IL1RAPL1: variants seen among roughly 807,000 people sequenced by gnomAD.
IL1RAPL1 encodes interleukin 1 receptor accessory protein like 1.
Under a neutral mutation model 48.4 loss-of-function variants are expected in IL1RAPL1, and 3 were observed. The observed-to-expected ratio is 0.06, with a 90% CI of 0.03 to 0.16. The LOEUF (loss-of-function observed/expected upper bound fraction) is 0.16, where lower values mean the gene tolerates loss of function less well. IL1RAPL1 is among the 10% of genes least tolerant of loss of function. The pLI, the probability that IL1RAPL1 is intolerant of heterozygous loss-of-function variation, is 1.00. For missense variants in IL1RAPL1, 349 were observed against 530.6 expected (o/e 0.66, Z 3.36); for synonymous variants, 185 against 187.7 (o/e 0.99, Z 0.12).
chrX:29,187,777 C>T (rs758319038), intron 2 of IL1RAPL1, among the ~76,000 whole-genome samples: 1 of 111,569 alleles, frequency 9.0e-6, no homozygotes, highest in South Asian at 3.7e-4. Context: ...CCCCTTACTC[C>T]CCTATCCTCA....
intron 2 of IL1RAPL1, among the ~76,000 whole-genome samples, chrX:29,279,267 C>G (rs758131609): frequency 1.8e-5 from 2 of 110,589 alleles, no homozygotes; most frequent in Non-Finnish European, 3.8e-5. Context: ...GAAACCACGT[C>G]TCTACTAAAA....
At chrX:28,861,257 A>C (rs1439810699) in intron 2 of IL1RAPL1, among the ~76,000 whole-genome samples, 1 of 111,912 alleles carries the variant, frequency 8.9e-6, no homozygotes, top group Non-Finnish European at 1.9e-5. Context: ...TCTGACTTTC[A>C]CAAGAGGCTC....
intron 1 of IL1RAPL1, among the ~76,000 whole-genome samples, chrX:28,737,205 CTCTTTCTTTCTT>C (rs762616408): frequency 0.061 from 3,057 of 50,236 alleles, 102 homozygotes; most frequent in Admixed American, 0.12. Flanking sequence ...TTCTTTCTTT[CTCTTTCTTTCTT>C]TCTTTCTTTC....
At chrX:29,342,990 G>A (rs908702550) in intron 3 of IL1RAPL1, among the ~76,000 whole-genome samples, 10 of 111,914 alleles carry the variant, frequency 8.9e-5, no homozygotes, top group Admixed American at 2.8e-4. Context: ...CTGAAAAGTC[G>A]TTCTTGGACA....
intron 2 of IL1RAPL1, among the ~76,000 whole-genome samples, chrX:28,948,287 C>T (rs1217683853): frequency 9.0e-6 from 1 of 111,474 alleles, no homozygotes; most frequent in Middle Eastern, 4.2e-3. Context: ...AAAGTGCCTA[C>T]TTCTGGATAC....
chrX:29,174,719 C>T (rs1164235516), intron 2 of IL1RAPL1, among the ~76,000 whole-genome samples: 4 of 111,247 alleles, frequency 3.6e-5, no homozygotes, highest in Admixed American at 2.9e-4. Flanking sequence ...ATTTAAATTG[C>T]GGTGGGTTTG....
At chrX:29,725,548 T>C (rs1428367230) in intron 6 of IL1RAPL1, among the ~76,000 whole-genome samples, 2 of 111,377 alleles carry the variant, frequency 1.8e-5, no homozygotes, top group Non-Finnish European at 3.8e-5. Flanking sequence ...TCTTCTTAAA[T>C]TGGAATGTCT....
chrX:29,763,058 T>C (rs1234489376), intron 6 of IL1RAPL1, among the ~76,000 whole-genome samples: 1 of 110,100 alleles, frequency 9.1e-6, no homozygotes, highest in East Asian at 2.8e-4. Flanking sequence ...TTGTTTTTTT[T>C]TTTTTTGAGC....
chrX:29,802,993 A>T, intron 6 of IL1RAPL1, among the ~76,000 whole-genome samples: 1 of 48,655 alleles, frequency 2.1e-5, no homozygotes, highest in Non-Finnish European at 3.7e-5. Context: ...GTGTACATAT[A>T]TATGTATGCA....
At chrX:29,780,832 A>T (rs183081874) in intron 6 of IL1RAPL1, among the ~76,000 whole-genome samples, 161 of 111,554 alleles carry the variant, frequency 1.4e-3, no homozygotes, top group African/African-American at 4.9e-3. Flanking sequence ...TGAGACATTG[A>T]TTTTCAGTGA....
intron 5 of IL1RAPL1, among the ~76,000 whole-genome samples, chrX:29,587,781 C>T (rs754204333): frequency 5.3e-5 from 6 of 112,342 alleles, no homozygotes; most frequent in Middle Eastern, 4.6e-3. Context: ...CAAATGGATA[C>T]GTGATACCAA....
intron 6 of IL1RAPL1, among the ~76,000 whole-genome samples, chrX:29,732,508 T>C (rs1042092023): frequency 9.0e-6 from 1 of 111,680 alleles, no homozygotes; most frequent in African/African-American, 3.3e-5. Context: ...GATCTATCCT[T>C]TCTATGCCCT....
chrX:29,479,460 A>G (rs1447673766), intron 5 of IL1RAPL1, among the ~76,000 whole-genome samples: 3 of 104,909 alleles, frequency 2.9e-5, no homozygotes, highest in Admixed American at 1.0e-4. Context: ...CAAAATGTAT[A>G]GGAAAGTAAA....
chrX:29,596,450 C>T (rs1444950478), intron 5 of IL1RAPL1, among the ~76,000 whole-genome samples: 2 of 111,694 alleles, frequency 1.8e-5, no homozygotes, highest in African/African-American at 3.3e-5. Flanking sequence ...TTCTTGTCCT[C>T]GGTTAGGTAT....
chrX:28,903,220 A>G (rs1051313669), intron 2 of IL1RAPL1, among the ~76,000 whole-genome samples: 2 of 110,302 alleles, frequency 1.8e-5, no homozygotes, highest in African/African-American at 6.6e-5. Context: ...CCTGGGTTCA[A>G]GTGATTCTCC....
chrX:28,804,777 T>C (rs1392822801), intron 2 of IL1RAPL1, among the ~76,000 whole-genome samples: 1 of 111,523 alleles, frequency 9.0e-6, no homozygotes, highest in Non-Finnish European at 1.9e-5. Context: ...TTTTGCCACT[T>C]AACAGTCACA....
At chrX:29,456,359 G>C (rs1414073540) in intron 5 of IL1RAPL1, among the ~76,000 whole-genome samples, 1 of 111,692 alleles carries the variant, frequency 9.0e-6, no homozygotes, top group Non-Finnish European at 1.9e-5. Flanking sequence ...TAGGGGGCTA[G>C]TGGTCATGGC....
chrX:28,876,330 G>A (rs1922371146), intron 2 of IL1RAPL1, among the ~76,000 whole-genome samples: 1 of 111,943 alleles, frequency 8.9e-6, no homozygotes, highest in Non-Finnish European at 1.9e-5. Flanking sequence ...GTGATGTACA[G>A]CATTTCTGTC....
chrX:29,141,492 T>G (rs906645075), intron 2 of IL1RAPL1, among the ~76,000 whole-genome samples: 5 of 111,833 alleles, frequency 4.5e-5, no homozygotes, highest in African/African-American at 1.6e-4. Flanking sequence ...CTTTTATTCT[T>G]ACCCTTAATA....
Sources: gnomAD v4.1 joint callset for allele counts (sites outside exome capture counted in the v4.1 genomes callset) on GRCh38, gnomAD v4.1.1 for gene constraint, MANE v1.5 for transcripts, NCBI Gene and HGNC (gene_info 2026-07-23, HGNC 2026-07-21) for gene names.